SORCS1: variants seen among roughly 807,000 people sequenced by gnomAD.
SORCS1 encodes VPS10 domain-containing receptor SorCS1.
SORCS1 carries 60 observed loss-of-function variants against 146.1 expected under a neutral mutation model. That is an observed-to-expected ratio of 0.41 (90% confidence interval 0.33 to 0.51). The LOEUF (loss-of-function observed/expected upper bound fraction) is 0.51. Ranked by LOEUF, SORCS1 falls within the 20% of genes least tolerant of loss-of-function variation. SORCS1 has a pLI of 0.21. For missense variants in SORCS1, 1,352 were observed against 1,487.6 expected, an observed-to-expected ratio of 0.91 and a Z score of 1.50; for synonymous variants, 637 against 584.0, an observed-to-expected ratio of 1.09 and a Z score of -1.31.
chr10:106,970,829 C>A (rs1209434886), intron 1 of SORCS1, among the ~76,000 whole-genome samples: 3 of 151,918 alleles, frequency 2.0e-5, no homozygotes, highest in African/African-American at 7.3e-5. Flanking sequence ...GCCTCCAACT[C>A]CCAGGTTCAA....
chr10:106,816,992 G>A (rs956871568), intron 3 of SORCS1, among the ~76,000 whole-genome samples: 6 of 152,170 alleles, frequency 3.9e-5, no homozygotes, highest in Non-Finnish European at 1.5e-5. Flanking sequence ...AGCACAAAGG[G>A]CTTGGGCCCA....
intron 1 of SORCS1, among the ~76,000 whole-genome samples, chr10:107,002,402 C>T (rs776971548): frequency 6.6e-6 from 1 of 152,186 alleles, no homozygotes; most frequent in Non-Finnish European, 1.5e-5. Flanking sequence ...CCTGGGAAAG[C>T]TCCTACCTGA....
chr10:106,583,944 C>G (rs1043558536), intron 24 of SORCS1, among the ~76,000 whole-genome samples: 9 of 152,318 alleles, frequency 5.9e-5, no homozygotes, highest in Middle Eastern at 3.4e-3. Context: ...ATCAAAAGGA[C>G]ATTCCTGGAG....
intron 1 of SORCS1, among the ~76,000 whole-genome samples, chr10:107,038,646 G>A (rs1382327403): frequency 6.6e-6 from 1 of 151,652 alleles, no homozygotes; most frequent in Admixed American, 6.6e-5. Context: ...TGGTAAAATG[G>A]GGATAAAGAG....
At chr10:107,028,219 A>G (rs1958492020) in intron 1 of SORCS1, among the ~76,000 whole-genome samples, 1 of 152,190 alleles carries the variant, frequency 6.6e-6, no homozygotes. Flanking sequence ...AAGGAATTCC[A>G]GCGTTTACAC....
chr10:106,863,177 T>C (rs1043840091), intron 2 of SORCS1, among the ~76,000 whole-genome samples: 7 of 152,088 alleles, frequency 4.6e-5, no homozygotes, highest in Non-Finnish European at 8.8e-5. Context: ...GTAGTTACAT[T>C]TGGGCAAGAG....
At chr10:107,174,661 AC>A in the SORCS1 span, among the ~76,000 whole-genome samples, 3 of 152,244 alleles carry the variant, frequency 2.0e-5, no homozygotes, top group South Asian at 4.1e-4. Flanking sequence ...TGTTAATTAT[AC>A]TTATTAATTT....
At chr10:106,611,295 A>G (rs901125646) in intron 22 of SORCS1, among the ~76,000 whole-genome samples, 17 of 152,192 alleles carry the variant, frequency 1.1e-4, no homozygotes, top group Admixed American at 2.0e-4. Flanking sequence ...TCTATTAGAT[A>G]TGAGAGTTTA....
intron 9 of SORCS1, among the ~76,000 whole-genome samples, chr10:106,695,577 T>C (rs1853633415): frequency 6.6e-6 from 1 of 152,154 alleles, no homozygotes; most frequent in African/African-American, 2.4e-5. Context: ...TACTTATATT[T>C]GAAGTGAAAG....
intron 13 of SORCS1, among the ~76,000 whole-genome samples, chr10:106,676,701 G>A (rs978197051): frequency 1.3e-5 from 2 of 151,998 alleles, no homozygotes; most frequent in African/African-American, 4.8e-5. Context: ...TTGACATTCT[G>A]AAACTGGCCC....
rs533166430 is a variant in SORCS1 at position 106,577,451 on chromosome 10, C to A, written c.3476G>T (p.Arg1159Leu). 1 of 1,595,936 alleles carries A rather than the reference C, an allele frequency of 6.3e-7. No individual in the cohort carries two copies. Among genetic ancestry groups the A allele is most frequent in the Non-Finnish European group, 8.6e-7 (1 of 1,168,966 alleles). Reference sequence around the variant, plus strand: ...TGCATACTGTGCCCCAGCAGATCCCCGCTTTGGCGTTGAAGGCGGAGTGGC... The same window carrying A: ...TGCATACTGTGCCCCAGCAGATCCCAGCTTTGGCGTTGAAGGCGGAGTGGC... Reference protein sequence around the residue: ...RHATPPSTPKRGSAGAQYAI With the variant: ...RHATPPSTPKLGSAGAQYAI Residue 1159 changes from arginine (R) to leucine (L), a missense_variant, in exon 26 of 26, where the codon CGG (arginine) becomes CTG (leucine). By Grantham distance (102) the Arg-to-Leu change is moderately radical. Around this residue, in one of 3 missense-constraint regions of SORCS1, gnomAD observed 214 missense variants for 204.8 expected, o/e 1.05. Transcript: ENST00000263054.
chr10:107,088,211 T>C (rs1203588136), intron 1 of SORCS1, among the ~76,000 whole-genome samples: 1 of 152,114 alleles, frequency 6.6e-6, no homozygotes, highest in African/African-American at 2.4e-5. Flanking sequence ...TTTAAAGGCT[T>C]GATTTTGTTG....
chr10:106,665,045 G>A (rs543046538), intron 17 of SORCS1, among the ~76,000 whole-genome samples: 30 of 152,060 alleles, frequency 2.0e-4, no homozygotes, highest in Admixed American at 5.2e-4. Flanking sequence ...CTTGGATGTC[G>A]TGTTATCATT....
intron 3 of SORCS1, among the ~76,000 whole-genome samples, chr10:106,801,784 C>T (rs531594325): frequency 4.2e-4 from 64 of 152,226 alleles, no homozygotes; most frequent in South Asian, 8.3e-4. Context: ...CCCTCCTTGG[C>T]CTCCCAAAGT....
intron 1 of SORCS1, among the ~76,000 whole-genome samples, chr10:107,106,244 T>C (rs1236656656): frequency 2.0e-5 from 3 of 152,218 alleles, no homozygotes; most frequent in Non-Finnish European, 4.4e-5. Context: ...CATTCCAAAT[T>C]TGGCAAAAGC....
At chr10:106,649,503 T>C (rs999193485) in intron 18 of SORCS1, among the ~76,000 whole-genome samples, 4 of 152,266 alleles carry the variant, frequency 2.6e-5, no homozygotes, top group African/African-American at 7.2e-5. Flanking sequence ...AAAGGTGTCA[T>C]TCCATTTTCT....
intron 1 of SORCS1, among the ~76,000 whole-genome samples, chr10:107,045,162 C>A (rs916440043): frequency 6.6e-6 from 1 of 152,094 alleles, no homozygotes; most frequent in South Asian, 2.1e-4. Context: ...TAAAGGGGAG[C>A]GATCCAATCA....
chr10:106,821,710 A>G (rs2136925249), intron 3 of SORCS1, among the ~76,000 whole-genome samples: 1 of 152,216 alleles, frequency 6.6e-6, no homozygotes, highest in East Asian at 1.9e-4. Context: ...TCCCGAGGTC[A>G]GGAGATCAAG....
intron 1 of SORCS1, among the ~76,000 whole-genome samples, chr10:107,029,444 ATCAGTCTTGGTAT>A (rs1361527109): frequency 6.6e-6 from 1 of 152,194 alleles, no homozygotes; most frequent in Non-Finnish European, 1.5e-5. Context: ...AACTGCAAAT[ATCAGTCTTGGTAT>A]TCCTTTTCCT....
Sources: gnomAD v4.1 joint callset for allele counts (sites outside exome capture counted in the v4.1 genomes callset) on GRCh38, gnomAD v4.1.1 for gene constraint, gnomAD v4.1.1 regional missense constraint, MANE v1.5 for transcripts, NCBI Gene and HGNC (gene_info 2026-07-23, HGNC 2026-07-21) for gene names.